BBX: variants seen among roughly 807,000 people sequenced by gnomAD.
BBX encodes HMG box transcription factor BBX.
In BBX, 30 loss-of-function variants were observed where a neutral mutation model predicts 100.2. The observed-to-expected ratio is 0.30, with a 90% CI of 0.22 to 0.41. The LOEUF (loss-of-function observed/expected upper bound fraction) is 0.41. Ranked by LOEUF, BBX falls within the 10% of genes least tolerant of loss-of-function variation. The pLI is 1.00. For synonymous variants in BBX, 376 were observed against 388.1 expected (o/e 0.97, Z 0.37); for missense variants, 1,023 against 1,129.8 (o/e 0.91, Z 1.35).
chr3:107,804,629 G>A (rs1237582971), intron 17 of BBX, among the ~76,000 whole-genome samples: 1 of 152,134 alleles, frequency 6.6e-6, no homozygotes, highest in Non-Finnish European at 1.5e-5. Flanking sequence ...CTATCCAAAT[G>A]ATGAAAATTT....
intron 3 of BBX, chr3:107,659,874 T>C: frequency 1.7e-6 from 1 of 576,514 alleles, no homozygotes; most frequent in Non-Finnish European, 2.6e-6. Context: ...CAGGATAAAT[T>C]AAGAGGGACG....
chr3:107,584,672 C>CTTTTTTTTT (rs58393281), intron 2 of BBX, among the ~76,000 whole-genome samples: 1 of 28,348 alleles, frequency 3.5e-5, no homozygotes, highest in African/African-American at 1.3e-4. Context: ...CCGTTGAAAT[C>CTTTTTTTTT]TTTTTTTTTT....
intron 3 of BBX, among the ~76,000 whole-genome samples, chr3:107,681,187 A>G (rs1171228148): frequency 6.6e-6 from 1 of 152,160 alleles, no homozygotes; most frequent in Non-Finnish European, 1.5e-5. Flanking sequence ...GGTTTATGAT[A>G]TCAGGATTGT....
chr3:107,661,469 G>A (rs1039053054), intron 3 of BBX, among the ~76,000 whole-genome samples: 1 of 152,134 alleles, frequency 6.6e-6, no homozygotes, highest in African/African-American at 2.4e-5. Context: ...AGGATTGTGT[G>A]TGTAGATGTA....
Position 107,629,522 on chromosome 3 carries a change from C to T in BBX, c.-83-16314C>T, listed in dbSNP as rs866869232. 2.0e-5 allele frequency among the ~76,000 whole-genome samples: 3 copies of T among 152,150 alleles called. No homozygotes were observed. The East Asian group carries it at 5.8e-4, about 29-fold the overall frequency. ...AGAGGATATATTCCCCCTCATCTCC[C>T]CTGCTCATTGGTATGTTAAAGATGA... On this transcript the variant is annotated intron_variant, in intron 2 of 17. Transcript: ENST00000325805.
At chr3:107,694,634 A>C (rs1351537855) in intron 3 of BBX, among the ~76,000 whole-genome samples, 1 of 149,326 alleles carries the variant, frequency 6.7e-6, no homozygotes, top group Non-Finnish European at 1.5e-5. Flanking sequence ...AATGTTCATC[A>C]AGGATATTGG....
At chr3:107,609,880 C>T (rs1050730521) in intron 2 of BBX, among the ~76,000 whole-genome samples, 1 of 151,786 alleles carries the variant, frequency 6.6e-6, no homozygotes, top group Non-Finnish European at 1.5e-5. Context: ...TTTATTTCTA[C>T]TCTGATCTTT....
chr3:107,572,262 G>C (rs537346792), intron 2 of BBX, among the ~76,000 whole-genome samples: 3 of 152,058 alleles, frequency 2.0e-5, no homozygotes, highest in Admixed American at 2.0e-4. Context: ...TAATCCTTTC[G>C]TTAGTTCTCA....
rs948763312 is a variant in BBX at position 107,624,074 on chromosome 3, A to G, written c.-83-21762A>G. Among the ~76,000 whole-genome samples the G allele has an allele frequency of 8.5e-5, 13 of 152,326 alleles. No individual in the cohort carries two copies. The South Asian group carries it at 2.5e-3, about 29-fold the overall frequency. On this transcript the variant is annotated intron_variant, in intron 2 of 17. Transcript: ENST00000325805. ...TCTAGGCTCATGGTTGAGTCTGCTC[A>G]GAAGCCAGGCTGCCAGGGTTCAATC...
Position 107,773,447 on chromosome 3 carries a change from C to T in BBX, c.1726C>T (p.Pro576Ser), listed in dbSNP as rs59781647. 2.9e-4 allele frequency: 471 copies of T among 1,614,084 alleles called. 2 individuals carry two copies. In the African/African-American group the frequency reaches 4.4e-3, roughly 15 times the overall value. The change falls in exon 11 of 18, where the codon CCA becomes TCA. Residue 576 changes from proline to serine, a missense_variant. This residue lies in a region of BBX where 348 missense variants were observed against 353.2 expected (regional missense o/e 0.99). Coordinates refer to ENST00000325805, the MANE Select transcript of BBX (RefSeq NM_001142568.3). This position sits in a 1 kb window ranked among gnomAD's most constrained non-coding sequence, Gnocchi z 4.1. Reference protein sequence around the residue: ...GETPEGIKAEPLTPMEDALPP... With the variant: ...GETPEGIKAESLTPMEDALPP... ...GACACCAGAGGGTATAAAAGCAGAA[C>T]CATTGACCCCTATGGAAGATGCACT... is the stretch of plus-strand genomic sequence containing the variant.
At chr3:107,804,222 T>C (rs1375798389) in intron 17 of BBX, among the ~76,000 whole-genome samples, 1 of 152,222 alleles carries the variant, frequency 6.6e-6, no homozygotes, top group Non-Finnish European at 1.5e-5. Context: ...CTACATTATT[T>C]TTCTTTTTTG....
intron 10 of BBX, among the ~76,000 whole-genome samples, chr3:107,759,821 C>T (rs1333826087): frequency 1.3e-5 from 2 of 152,128 alleles, no homozygotes; most frequent in Non-Finnish European, 2.9e-5. Context: ...TAAAGTGTGA[C>T]TAGAGGCTGC....
chr3:107,542,842 C>T (rs769838319), intron 2 of BBX, among the ~76,000 whole-genome samples: 1 of 152,152 alleles, frequency 6.6e-6, no homozygotes, highest in Non-Finnish European at 1.5e-5. Flanking sequence ...GGCATTCATA[C>T]CACTCCACAA....
intron 2 of BBX, among the ~76,000 whole-genome samples, chr3:107,590,314 A>C (rs183653235): frequency 2.6e-5 from 4 of 152,302 alleles, no homozygotes; most frequent in African/African-American, 7.2e-5. Flanking sequence ...ATTTTGATAC[A>C]TCCATACAGT....
chr3:107,668,350 C>G (rs2058853691), intron 3 of BBX, among the ~76,000 whole-genome samples: 1 of 152,144 alleles, frequency 6.6e-6, no homozygotes, highest in Non-Finnish European at 1.5e-5. Context: ...AGGTTAAGGT[C>G]TGTTTTGAAC....
chr3:107,667,097 A>G (rs1246262131), intron 3 of BBX, among the ~76,000 whole-genome samples: 8 of 152,180 alleles, frequency 5.3e-5, no homozygotes, highest in Non-Finnish European at 7.4e-5. Flanking sequence ...ATACCACCCT[A>G]TCTCAAGAAG....
intron 2 of BBX, among the ~76,000 whole-genome samples, chr3:107,631,584 G>T (rs372309627): frequency 9.2e-5 from 14 of 151,416 alleles, no homozygotes; most frequent in East Asian, 5.8e-4. Flanking sequence ...ATTAACTTCA[G>T]ACAGGTTTTG....
At chr3:107,702,422 A>T (rs530930117) in intron 3 of BBX, among the ~76,000 whole-genome samples, 1 of 152,132 alleles carries the variant, frequency 6.6e-6, no homozygotes, top group South Asian at 2.1e-4. Flanking sequence ...CTGGCTTCTT[A>T]TTTCTTCTTC....
chr3:107,646,394 A>G (rs1241802927), intron 3 of BBX, among the ~76,000 whole-genome samples: 3 of 152,164 alleles, frequency 2.0e-5, no homozygotes, highest in Non-Finnish European at 2.9e-5. Context: ...TGAAAACCAC[A>G]TAATGAAGGA....
Sources: gnomAD v4.1 joint callset for allele counts (sites outside exome capture counted in the v4.1 genomes callset) on GRCh38, gnomAD v4.1.1 for gene constraint, gnomAD v4.1.1 regional missense constraint, Gnocchi (gnomAD v3.1) non-coding constraint, MANE v1.5 for transcripts, NCBI Gene and HGNC (gene_info 2026-07-23, HGNC 2026-07-21) for gene names.